Variants in SUGCT observed in about 807,000 individuals in gnomAD.
SUGCT encodes the protein succinyl-CoA:glutarate CoA-transferase.
A neutral mutation model predicts 55.0 loss-of-function variants in SUGCT; 41 were observed. The observed-to-expected ratio is 0.74, with a 90% CI of 0.58 to 0.97. SUGCT has a LOEUF of 0.97. Among genes scored for constraint, SUGCT ranks in the 50% least tolerant of loss-of-function variants. The pLI, the probability that SUGCT is intolerant of heterozygous loss-of-function variation, is 0.00. For missense variants in SUGCT, 568 were observed against 547.8 expected (o/e 1.04, Z -0.37); for synonymous variants, 187 against 200.4 (o/e 0.93, Z 0.56).
intron 8 of SUGCT, among the ~76,000 whole-genome samples, chr7:40,283,515 C>T (rs948581808): frequency 5.3e-5 from 8 of 152,110 alleles, no homozygotes; most frequent in African/African-American, 1.9e-4. Context: ...ATGCATGAGC[C>T]ACCGCGCCTG....
intron 1 of SUGCT, among the ~76,000 whole-genome samples, chr7:40,140,832 G>A (rs1787944453): frequency 6.6e-6 from 1 of 152,012 alleles, no homozygotes; most frequent in African/African-American, 2.4e-5. Flanking sequence ...TTGGCTATTC[G>A]GGCTCATTTT....
At chr7:40,948,702 G>A in the SUGCT span, among the ~76,000 whole-genome samples, 32 of 151,244 alleles carry the variant, frequency 2.1e-4, no homozygotes, top group Middle Eastern at 3.2e-3. Context: ...AGAACATGCC[G>A]TGTTTGGTTT....
intron 13 of SUGCT, among the ~76,000 whole-genome samples, chr7:40,796,384 A>G (rs1218163288): frequency 2.0e-5 from 3 of 152,224 alleles, no homozygotes; most frequent in African/African-American, 7.2e-5. Flanking sequence ...ATTTCTGAGA[A>G]GATGCTTGGG....
chr7:40,238,816 C>G (rs1398016191), intron 7 of SUGCT, among the ~76,000 whole-genome samples: 1 of 128,728 alleles, frequency 7.8e-6, no homozygotes, highest in African/African-American at 3.2e-5. Flanking sequence ...ATGTGTGTGG[C>G]CTTTGCTTTT....
chr7:40,720,065 C>T (rs1295601296), intron 12 of SUGCT, among the ~76,000 whole-genome samples: 5 of 152,078 alleles, frequency 3.3e-5, no homozygotes, highest in East Asian at 1.9e-4. Flanking sequence ...GGATTACAGG[C>T]GTGAGGCAGC....
intron 9 of SUGCT, among the ~76,000 whole-genome samples, chr7:40,431,528 C>T (rs1192271420): frequency 6.6e-6 from 1 of 152,102 alleles, no homozygotes; most frequent in Admixed American, 6.6e-5. Flanking sequence ...TTGCTTTGGG[C>T]AGCATGTACA....
intron 12 of SUGCT, among the ~76,000 whole-genome samples, chr7:40,718,018 CTT>C (rs1055472828): frequency 2.6e-5 from 4 of 152,010 alleles, no homozygotes; most frequent in African/African-American, 9.7e-5. Flanking sequence ...AAAGATATGT[CTT>C]TAATAAACTG....
intron 6 of SUGCT, among the ~76,000 whole-genome samples, chr7:40,209,427 G>C (rs1039846235): frequency 3.3e-5 from 5 of 152,178 alleles, no homozygotes; most frequent in African/African-American, 1.2e-4. Flanking sequence ...GAACCGGGAG[G>C]TGGAGGTTGC....
the SUGCT span, among the ~76,000 whole-genome samples, chr7:40,910,319 A>G: frequency 6.6e-6 from 1 of 152,150 alleles, no homozygotes; most frequent in Non-Finnish European, 1.5e-5. Context: ...CAAAATGCCC[A>G]GTCTGAGAAG....
At chr7:40,394,769 G>A (rs1380874089) in intron 9 of SUGCT, among the ~76,000 whole-genome samples, 1 of 152,132 alleles carries the variant, frequency 6.6e-6, no homozygotes, top group Non-Finnish European at 1.5e-5. Context: ...ATATAAGTGA[G>A]GTGATGCAGT....
intron 12 of SUGCT, among the ~76,000 whole-genome samples, chr7:40,560,410 G>C (rs111960321): frequency 6.6e-6 from 1 of 152,140 alleles, no homozygotes; most frequent in African/African-American, 2.4e-5. Flanking sequence ...GGGACAAAAG[G>C]CAGCACAGAG....
At chr7:40,778,824 A>G (rs1789588355) in intron 13 of SUGCT, among the ~76,000 whole-genome samples, 1 of 152,192 alleles carries the variant, frequency 6.6e-6, no homozygotes, top group South Asian at 2.1e-4. Flanking sequence ...GATGAAGCTG[A>G]GAGTCTTTTG....
intron 12 of SUGCT, among the ~76,000 whole-genome samples, chr7:40,647,823 A>G (rs909403737): frequency 6.3e-5 from 9 of 143,944 alleles, no homozygotes; most frequent in East Asian, 2.0e-4. Context: ...TGCACTCCAG[A>G]AAAAAAAAAA....
At chr7:40,959,502 G>T in the SUGCT span, among the ~76,000 whole-genome samples, 1 of 152,122 alleles carries the variant, frequency 6.6e-6, no homozygotes, top group East Asian at 1.9e-4. Flanking sequence ...CTCAGTAATG[G>T]TGGATGACCC....
At chr7:40,912,990 A>G in the SUGCT span, among the ~76,000 whole-genome samples, 4 of 150,112 alleles carry the variant, frequency 2.7e-5, no homozygotes, top group Non-Finnish European at 5.9e-5. Flanking sequence ...CTTCCTGACT[A>G]CAGAATTGCT....
At chr7:40,843,403 G>A (rs974076920) in intron 13 of SUGCT, among the ~76,000 whole-genome samples, 1 of 151,834 alleles carries the variant, frequency 6.6e-6, no homozygotes, top group East Asian at 2.0e-4. Context: ...CCAGCTACTC[G>A]GGAGGGTGAG....
intron 12 of SUGCT, among the ~76,000 whole-genome samples, chr7:40,681,361 G>T (rs947458206): frequency 5.3e-5 from 8 of 152,074 alleles, no homozygotes; most frequent in African/African-American, 1.9e-4. Context: ...ATGTAATGAA[G>T]CCTCCATAAA....
chr7:40,237,026 T>C (rs911424217), intron 6 of SUGCT, among the ~76,000 whole-genome samples: 1 of 151,220 alleles, frequency 6.6e-6, no homozygotes, highest in Non-Finnish European at 1.5e-5. Flanking sequence ...AGAGATGGGG[T>C]TTCACCATGT....
At chr7:40,908,267 C>T in the SUGCT span, among the ~76,000 whole-genome samples, 2 of 151,126 alleles carry the variant, frequency 1.3e-5, no homozygotes, top group South Asian at 2.1e-4. Context: ...CCTGTAGTCC[C>T]AGCTACTCAG....
Sources: gnomAD v4.1 joint callset for allele counts (sites outside exome capture counted in the v4.1 genomes callset) on GRCh38, gnomAD v4.1.1 for gene constraint, MANE v1.5 for transcripts, NCBI Gene and HGNC (gene_info 2026-07-23, HGNC 2026-07-21) for gene names.